ZNF654: variants seen among roughly 807,000 people sequenced by gnomAD.
ZNF654 encodes melanoma-associated antigen.
Under a neutral mutation model 95.3 loss-of-function variants are expected in ZNF654, and 19 were observed. That is an observed-to-expected ratio of 0.20 (90% CI 0.14 to 0.29). The LOEUF (loss-of-function observed/expected upper bound fraction) is 0.29, where lower values mean the gene tolerates loss of function less well. Ranked by LOEUF, ZNF654 falls within the 10% of genes least tolerant of loss-of-function variation. The pLI is 1.00. For synonymous variants in ZNF654, 413 were observed against 457.9 expected, an observed-to-expected ratio of 0.90 and a Z score of 1.25; for missense variants, 1,046 against 1,341.0, an observed-to-expected ratio of 0.78 and a Z score of 3.44.
chr3:88,059,576 G>A (rs1308609013), intron 1 of ZNF654, 71 bp downstream of exon 1: 4 of 1,442,386 alleles, frequency 2.8e-6, no homozygotes, highest in Non-Finnish European at 3.6e-6. Flanking sequence ...TGGTCTTCTC[G>A]TCCATGAATC....
At chr3:88,087,882 C>G (rs1708420162) in intron 2 of ZNF654, among the ~76,000 whole-genome samples, 1 of 152,188 alleles carries the variant, frequency 6.6e-6, no homozygotes. Context: ...AATCCAAAAT[C>G]TGACATCTGA....
intron 1 of ZNF654, among the ~76,000 whole-genome samples, chr3:88,067,182 G>C (rs374719235): frequency 6.6e-6 from 1 of 152,316 alleles, no homozygotes; most frequent in African/African-American, 2.4e-5. Context: ...CCAATTTTGT[G>C]TGCAGTTATA....
At chr3:88,089,191 TA>T (rs11328694) in intron 2 of ZNF654, among the ~76,000 whole-genome samples, 101,070 of 131,134 alleles carry the variant, frequency 0.77, 39,300 homozygotes, top group South Asian at 0.9. Flanking sequence ...GCTTACGTAT[TA>T]AAAAAAAAAA....
At chr3:88,087,831 G>GT (rs1708417068) in intron 2 of ZNF654, among the ~76,000 whole-genome samples, 1 of 152,330 alleles carries the variant, frequency 6.6e-6, no homozygotes, top group South Asian at 2.1e-4. Flanking sequence ...ACAGGTTGGG[G>GT]TGGGGAAACA....
At chr3:88,085,270 A>G (rs765087514) in intron 1 of ZNF654, among the ~76,000 whole-genome samples, 1 of 152,192 alleles carries the variant, frequency 6.6e-6, no homozygotes. Flanking sequence ...TTTGTAAGCC[A>G]TATTCTTTCT....
chr3:88,139,001 ATTG>A lies in ZNF654; in HGVS notation c.1335_1337del (p.Leu445del). 1 of 1,245,342 alleles carries A rather than the reference ATTG, an allele frequency of 8.0e-7. No homozygotes were observed. Among genetic ancestry groups the A allele is most frequent in the Non-Finnish European group, 1.0e-6 (1 of 996,780 alleles). 77.1% of individuals were successfully genotyped at this position (1,245,342 alleles called of 1,614,324 possible). On this transcript the variant is annotated inframe_deletion, in exon 8 of 9. Coordinates refer to ENST00000636215, the MANE Select transcript of ZNF654 (RefSeq NM_001350134.2). ...AATTGCTTCCAATTTTGAAAAAGGG[ATTG>A]TTTTTTGACCCTGAATTTTGGAACT...
intron 2 of ZNF654, among the ~76,000 whole-genome samples, chr3:88,088,877 A>G (rs1339967345): frequency 2.0e-5 from 3 of 151,872 alleles, no homozygotes; most frequent in African/African-American, 7.2e-5. Context: ...GGTTCAAGCA[A>G]TTCTCCTGCC....
rs1188906376 is a variant in ZNF654, at chr3:88,140,503, G to A, written c.2834G>A (p.Arg945His). 1.2e-6 allele frequency: 2 copies of A among 1,613,664 alleles called. No homozygotes were observed. Among genetic ancestry groups the A allele is most frequent in the South Asian group, 1.1e-5 (1 of 91,066 alleles). ...TDSLVQNGNE[R>H]SDDTVSNISL... is the part of the protein sequence containing the mutation. ...AGTTTAGTTCAGAATGGAAACGAAC[G>A]TTCTGATGACACTGTTTCAAATATA... Residue 945 changes from arginine to histidine, a missense_variant, in exon 8 of 9, where the codon CGT becomes CAT. Physicochemically the swap from Arg to His is conservative, Grantham distance 29. Coordinates refer to ENST00000636215, the MANE Select transcript of ZNF654 (RefSeq NM_001350134.2).
intron 7 of ZNF654, among the ~76,000 whole-genome samples, chr3:88,136,476 A>T (rs901788524): frequency 1.3e-5 from 2 of 152,226 alleles, no homozygotes; most frequent in African/African-American, 2.4e-5. Context: ...TGAGTTCAGG[A>T]GACATAGATG....
At chr3:88,128,244 T>C (rs1186165837) in intron 4 of ZNF654, among the ~76,000 whole-genome samples, 1 of 152,154 alleles carries the variant, frequency 6.6e-6, no homozygotes, top group African/African-American at 2.4e-5. Context: ...TTATCCTTAG[T>C]AATACATAAA....
chr3:88,132,459 T>A (rs983679907), intron 6 of ZNF654, among the ~76,000 whole-genome samples: 1 of 152,222 alleles, frequency 6.6e-6, no homozygotes, highest in Non-Finnish European at 1.5e-5. Flanking sequence ...TTTGGTCTTC[T>A]AAAAGAAGAC....
At chr3:88,133,275 G>A (rs1706573318) in intron 6 of ZNF654, among the ~76,000 whole-genome samples, 1 of 152,082 alleles carries the variant, frequency 6.6e-6, no homozygotes, top group African/African-American at 2.4e-5. Context: ...AATTGGGTGT[G>A]CCACTCCAAT....
At position 88,140,327 on chromosome 3, in the gene ZNF654, G is replaced by C. The variant is rs1707043731; in HGVS notation, c.2658G>C (p.Trp886Cys). ...SSAQPSETIL[W>C]DVQTDSNPNQ... Reference sequence around the variant, plus strand: ...CACAACCAAGTGAAACAATTCTTTGGGATGTTCAGACAGACTCAAATCCTA... The same window carrying C: ...CACAACCAAGTGAAACAATTCTTTGCGATGTTCAGACAGACTCAAATCCTA... The change falls in exon 8 of 9, where the codon TGG becomes TGC. Residue 886 changes from tryptophan (W) to cysteine (C), a missense_variant. Trp to Cys is a radical substitution (Grantham distance 215). Transcript: ENST00000636215. 2 of 1,613,322 alleles carry C rather than the reference G, an allele frequency of 1.2e-6. No homozygotes were observed. Among genetic ancestry groups the C allele is most frequent in the South Asian group, 2.2e-5 (2 of 91,060 alleles).
intron 1 of ZNF654, among the ~76,000 whole-genome samples, chr3:88,083,103 A>G (rs978030615): frequency 2.7e-5 from 4 of 149,176 alleles, no homozygotes; most frequent in African/African-American, 9.9e-5. Context: ...CACCAATCCT[A>G]CTGGAATAGG....
chr3:88,103,729 A>G (rs1297756949), intron 2 of ZNF654, among the ~76,000 whole-genome samples: 1 of 151,706 alleles, frequency 6.6e-6, no homozygotes, highest in African/African-American at 2.4e-5. Flanking sequence ...TGAAGTGACA[A>G]CTTTAAAGTG....
rs140069657 is a variant in ZNF654 at position 88,138,556 on chromosome 3, T to C, written c.1036-149T>C. 5.5e-3 allele frequency: 2,399 copies of C among 432,948 alleles called. 56 individuals are homozygous for C. The highest frequency in any genetic ancestry group is 2.5e-3 in the Non-Finnish European group (637 of 259,010). 26.8% of individuals were successfully genotyped at this position (432,948 alleles called of 1,614,324 possible). ...GAGAAAGGTATATATTTAAAAGAGT[T>C]AAACAAGGCTACTAAATATGGAAAA... On this transcript the variant is annotated intron_variant, in intron 7 of 8. Coordinates refer to ENST00000636215, the MANE Select transcript of ZNF654 (RefSeq NM_001350134.2).
At position 88,143,772 on chromosome 3, in the gene ZNF654, A is replaced by G. The variant is rs561406461; in HGVS notation, c.*2120A>G. ...AGACTGAGATCAAACTGGTTTATAT[A>G]TAACTAAATCAAGGAATGTTTTATA... On this transcript the variant is annotated 3_prime_UTR_variant, in exon 9 of 9. Coordinates refer to ENST00000636215, the MANE Select transcript of ZNF654 (RefSeq NM_001350134.2). 7 of 152,216 alleles carry G rather than the reference A, an allele frequency of 4.6e-5. No individual in the cohort carries two copies. In the South Asian group the frequency reaches 8.3e-4, roughly 18 times the overall value. 9.4% of individuals were successfully genotyped at this position (152,216 alleles called of 1,614,324 possible). A position where few individuals can be genotyped will look rare whatever the true frequency, so the allele number is the denominator to read the frequency against.
intron 2 of ZNF654, among the ~76,000 whole-genome samples, chr3:88,087,639 A>G (rs1708406415): frequency 6.6e-6 from 1 of 152,248 alleles, no homozygotes; most frequent in South Asian, 2.1e-4. Context: ...TTATTTATTT[A>G]TACCTCAAAT....
chr3:88,140,320 T>G lies in ZNF654; in HGVS notation c.2651T>G (p.Ile884Ser), dbSNP rs746945497. 6.2e-7 allele frequency: 1 copy of G among 1,613,768 alleles called. No homozygotes were observed. Among genetic ancestry groups the G allele is most frequent in the Non-Finnish European group, 8.5e-7 (1 of 1,179,774 alleles). ...TCATCTGCACAACCAAGTGAAACAA[T>G]TCTTTGGGATGTTCAGACAGACTCA... ...PESSAQPSET[I>S]LWDVQTDSNP... The change falls in exon 8 of 9, where the codon ATT becomes AGT. Residue 884 changes from isoleucine (I) to serine (S), a missense_variant. By Grantham distance (142) the Ile-to-Ser change is moderately radical. Coordinates refer to ENST00000636215, the MANE Select transcript of ZNF654 (RefSeq NM_001350134.2).
Sources: allele counts gnomAD v4.1 joint callset (sites outside exome capture counted in the v4.1 genomes callset), GRCh38; gene constraint gnomAD v4.1.1; transcripts MANE v1.5; gene names NCBI Gene and HGNC (gene_info 2026-07-23, HGNC 2026-07-21).